Variants in HAUS6 observed in about 807,000 individuals in gnomAD.
HAUS6 encodes HAUS augmin like complex subunit 6, also known as HAUS augmin-like complex subunit 6.
A neutral mutation model predicts 106.8 loss-of-function variants in HAUS6; 80 were observed. The observed-to-expected ratio is 0.75, with a 90% CI of 0.63 to 0.90. The LOEUF is 0.90. Among genes scored for constraint, HAUS6 ranks in the 40% least tolerant of loss-of-function variants. The pLI is 0.00. For synonymous variants in HAUS6, 356 were observed against 379.1 expected, an observed-to-expected ratio of 0.94 and a Z score of 0.71; for missense variants, 1,155 against 1,118.1, an observed-to-expected ratio of 1.03 and a Z score of -0.47.
intron 11 of HAUS6, 152 bp from the exon 12 acceptor site, chr9:19,070,452 T>C (rs1476785759): frequency 4.9e-6 from 3 of 609,064 alleles, no homozygotes; most frequent in Admixed American, 3.0e-5. Flanking sequence ...ATTCAATTGA[T>C]AAGTATAAAG....
chr9:19,054,781 A>C lies in HAUS6; in HGVS notation c.*1562T>G, dbSNP rs1836435028. Reference sequence around the variant, plus strand: ...CTCTTTCTCGAGCTTAAGAATTACCAAGGAAGCACATTTAAAATATAATTA... The same window carrying C: ...CTCTTTCTCGAGCTTAAGAATTACCCAGGAAGCACATTTAAAATATAATTA... On this transcript the variant is annotated 3_prime_UTR_variant, in exon 17 of 17. Transcript: ENST00000380502. The C allele has an allele frequency of 6.6e-6, 1 of 152,224 alleles. No homozygotes were observed. The highest frequency in any genetic ancestry group is 1.5e-5 in the Non-Finnish European group (1 of 68,030). 9.4% of individuals were successfully genotyped at this position (152,224 alleles called of 1,614,324 possible).
intron 14 of HAUS6, among the ~76,000 whole-genome samples, chr9:19,061,990 C>T (rs1252987430): frequency 6.6e-6 from 1 of 152,192 alleles, no homozygotes; most frequent in Non-Finnish European, 1.5e-5. Flanking sequence ...TAAAAAGTAA[C>T]ACTGATTTTC....
chr9:19,059,287 G>C (rs558619326), intron 15 of HAUS6, among the ~76,000 whole-genome samples: 2 of 152,152 alleles, frequency 1.3e-5, no homozygotes, highest in Non-Finnish European at 2.9e-5. Flanking sequence ...ACCTTTTCTT[G>C]TCCATCTAAG....
chr9:19,083,522 G>A (rs1046122034), intron 7 of HAUS6, among the ~76,000 whole-genome samples: 1 of 152,062 alleles, frequency 6.6e-6, no homozygotes, highest in African/African-American at 2.4e-5. Context: ...TTCAAGAGAA[G>A]CCGGGCGCAG....
intron 14 of HAUS6, among the ~76,000 whole-genome samples, chr9:19,060,700 T>C (rs1836592821): frequency 6.6e-6 from 1 of 152,198 alleles, no homozygotes; most frequent in Admixed American, 6.5e-5. Flanking sequence ...TATTATCACA[T>C]CTTCATTACT....
rs528080101 is a variant in HAUS6, at chr9:19,076,465, A to T, written c.1294+137T>A. ...ATACTTTGCAATAACTGAAATTGTG[A>T]ATTTTATGTTACATGCATTTCACCA... is the stretch of plus-strand genomic sequence containing the variant. On this transcript the variant is annotated intron_variant, in intron 11 of 16. Transcript: ENST00000380502. 1.4e-4 allele frequency: 95 copies of T among 656,066 alleles called. No individual in the cohort carries two copies. In the African/African-American group the frequency reaches 1.6e-3, roughly 11 times the overall value. The allele number at this position is 656,066 out of a possible 1,614,324, so 40.6% of individuals were successfully genotyped here. A position where few individuals can be genotyped will look rare whatever the true frequency, so the allele number is the denominator to read the frequency against.
At chr9:19,088,725 A>G (rs1817683973) in intron 5 of HAUS6, among the ~76,000 whole-genome samples, 1 of 151,712 alleles carries the variant, frequency 6.6e-6, no homozygotes, top group Non-Finnish European at 1.5e-5. Flanking sequence ...AAAAAAAAAA[A>G]AAATGAGCCA....
intron 4 of HAUS6, among the ~76,000 whole-genome samples, chr9:19,091,899 T>C (rs79673487): frequency 6.6e-6 from 1 of 152,074 alleles, no homozygotes; most frequent in Non-Finnish European, 1.5e-5. Context: ...TGACCTCAAG[T>C]GATCTGCCTA....
intron 8 of HAUS6, 120 bp downstream of exon 8, chr9:19,082,751 CAA>C: frequency 2.0e-6 from 1 of 506,168 alleles, no homozygotes; most frequent in East Asian, 3.9e-5. Flanking sequence ...AATTCTGTCT[CAA>C]AAAAAAAACA....
chr9:19,060,148 A>T lies in HAUS6; in HGVS notation c.1705T>A (p.Ser569Thr), dbSNP rs774706140. The change falls in exon 15 of 17, where the codon TCT (serine) becomes ACT (threonine). Residue 569 changes from serine to threonine, a missense_variant. Ser to Thr is a moderately conservative substitution (Grantham distance 58). Around this residue, in one of 3 missense-constraint regions of HAUS6, gnomAD observed 761 missense variants for 690.0 expected, o/e 1.10. Transcript: ENST00000380502. ...KEIKLEELIDSLGSNPFLTRN... is the reference protein window; with the variant it reads ...KEIKLEELIDTLGSNPFLTRN... ...GTTAAGAAGGGGTTAGAACCCAGAGAGTCAATTAGTTCCTCTAATTTTATT... is the reference window on the plus strand; with the variant it reads ...GTTAAGAAGGGGTTAGAACCCAGAGTGTCAATTAGTTCCTCTAATTTTATT... 6 of 1,602,008 alleles carry T rather than the reference A, an allele frequency of 3.7e-6. No individual in the cohort carries two copies. The South Asian group carries it at 6.7e-5, about 18-fold the overall frequency.
chr9:19,065,191 T>A (rs1283847112), intron 12 of HAUS6: 1 of 152,242 alleles, frequency 6.6e-6, no homozygotes, highest in Non-Finnish European at 1.5e-5. Flanking sequence ...ATTTCTGAAC[T>A]GGCAACATGC....
At chr9:19,099,444 G>A (rs559519875) in intron 1 of HAUS6, among the ~76,000 whole-genome samples, 2 of 152,142 alleles carry the variant, frequency 1.3e-5, no homozygotes, top group African/African-American at 4.8e-5. Flanking sequence ...GGAATTACAG[G>A]CGTGAGCCAC....
rs559950179 is a variant in HAUS6 at position 19,078,392 on chromosome 9, T to C, written c.1065-90A>G. 3.4e-5 allele frequency: 25 copies of C among 731,658 alleles called. No individual in the cohort carries two copies. The South Asian group carries it at 4.0e-4, about 12-fold the overall frequency. The allele number at this position is 731,658 out of a possible 1,614,324, so 45.3% of individuals were successfully genotyped here. ...GAAAATAACAATAGTTGTAGAGAAG[T>C]GGAAGGAAATAGAAGTGAAAGTTCA... is the stretch of plus-strand genomic sequence containing the variant. On this transcript the variant is annotated intron_variant, in intron 9 of 16. Transcript: ENST00000380502.
At chr9:19,072,048 G>C (rs895514553) in intron 11 of HAUS6, among the ~76,000 whole-genome samples, 1 of 151,130 alleles carries the variant, frequency 6.6e-6, no homozygotes, top group African/African-American at 2.4e-5. Context: ...AAATCAGCTG[G>C]GCATGGTGGC....
intron 4 of HAUS6, among the ~76,000 whole-genome samples, chr9:19,090,416 A>C (rs7022450): frequency 6.6e-6 from 1 of 151,958 alleles, no homozygotes; most frequent in Non-Finnish European, 1.5e-5. Flanking sequence ...CCAGGCTGAA[A>C]TGCAGTGGCG....
rs143300175 is a variant in HAUS6 at position 19,078,194 on chromosome 9, T to G, written c.1173A>C (p.Leu391=). 7.8e-4 allele frequency: 1,249 copies of G among 1,607,394 alleles called. 14 individuals are homozygous for G. The African/African-American group carries it at 0.015, about 19-fold the overall frequency. The part of the protein sequence containing the change: ...KEFLGLSPFS[L]IKGWTPSVDL... ...TACTTACTGGAGTCCAACCTTTAAT[T>G]AGACTGAAAGGAGACAAACCAAGAA... The change falls in exon 10 of 17, where the codon CTA becomes CTC. Residue 391 remains leucine, a synonymous_variant. Transcript: ENST00000380502.
intron 11 of HAUS6, among the ~76,000 whole-genome samples, chr9:19,075,912 T>C (rs552800843): frequency 1.3e-5 from 2 of 151,544 alleles, no homozygotes; most frequent in Non-Finnish European, 2.9e-5. Context: ...TGAGCTGAGA[T>C]TGCGCCACTG....
chr9:19,080,417 A>T, intron 9 of HAUS6, 62 bp downstream of exon 9: 1 of 1,013,598 alleles, frequency 9.9e-7, no homozygotes, highest in Admixed American at 2.0e-5. Context: ...AACTTATACA[A>T]GTTTTGTTGA....
intron 2 of HAUS6, among the ~76,000 whole-genome samples, chr9:19,095,444 T>C (rs1817841671): frequency 6.6e-6 from 1 of 151,964 alleles, no homozygotes; most frequent in African/African-American, 2.4e-5. Flanking sequence ...TTCAAAACAA[T>C]TTTTACATTT....
Sources: gnomAD v4.1 joint callset for allele counts (sites outside exome capture counted in the v4.1 genomes callset) on GRCh38, gnomAD v4.1.1 for gene constraint, gnomAD v4.1.1 regional missense constraint, MANE v1.5 for transcripts, NCBI Gene and HGNC (gene_info 2026-07-23, HGNC 2026-07-21) for gene names.